The following SOBP variants were observed in gnomAD, a reference collection of about 807,000 sequenced individuals.
SOBP encodes the protein sine oculis-binding protein homolog.
A neutral mutation model predicts 53.6 loss-of-function variants in SOBP; 4 were observed. That is an observed-to-expected ratio of 0.07 (90% confidence interval 0.04 to 0.17). The LOEUF is 0.17. Among genes scored for constraint, SOBP ranks in the 10% least tolerant of loss-of-function variants. The probability of loss-of-function intolerance (pLI) is 1.00; values close to 1 mark genes in which losing one functional copy is unlikely to be tolerated. For synonymous variants in SOBP, 584 were observed against 522.6 expected (o/e 1.12, Z -1.60); for missense variants, 1,088 against 1,204.7 (o/e 0.90, Z 1.43).
At chr6:107,578,821 GAT>G (rs1224582952) in intron 4 of SOBP, among the ~76,000 whole-genome samples, 2 of 152,162 alleles carry the variant, frequency 1.3e-5, no homozygotes, top group Admixed American at 1.3e-4. Flanking sequence ...GCATCCTGTA[GAT>G]AGTGAATCTC....
intron 4 of SOBP, among the ~76,000 whole-genome samples, chr6:107,576,992 C>T (rs929030287): frequency 6.6e-6 from 1 of 152,050 alleles, no homozygotes; most frequent in African/African-American, 2.4e-5. Flanking sequence ...AATTCACGGA[C>T]ACCATTTGTT....
chr6:107,650,518 G>C (rs1031773625), intron 6 of SOBP, among the ~76,000 whole-genome samples: 38 of 152,122 alleles, frequency 2.5e-4, no homozygotes, highest in African/African-American at 9.2e-4. Context: ...TTCTCACAAT[G>C]TTTCAAACAT....
At chr6:107,600,982 A>G (rs1786158780) in intron 5 of SOBP, among the ~76,000 whole-genome samples, 1 of 152,204 alleles carries the variant, frequency 6.6e-6, no homozygotes, top group Non-Finnish European at 1.5e-5. Flanking sequence ...TATAATGTGT[A>G]TAAAATAATC....
intron 4 of SOBP, among the ~76,000 whole-genome samples, chr6:107,548,258 G>GTT (rs60827093): frequency 1.3e-4 from 18 of 142,444 alleles, no homozygotes; most frequent in African/African-American, 3.1e-4. Context: ...TTTTCTTTTT[G>GTT]TTTTTTTTTT....
intron 5 of SOBP, among the ~76,000 whole-genome samples, chr6:107,613,740 C>T (rs1327528873): frequency 6.6e-6 from 1 of 152,182 alleles, no homozygotes; most frequent in Non-Finnish European, 1.5e-5. Flanking sequence ...ATGACAAAGT[C>T]AGGATTAGAA....
chr6:107,617,916 C>T (rs1353239190), intron 5 of SOBP, among the ~76,000 whole-genome samples: 3 of 149,672 alleles, frequency 2.0e-5, no homozygotes, highest in Non-Finnish European at 4.4e-5. Context: ...CAACATCTAC[C>T]TCCTGGGTTC....
At chr6:107,540,585 C>T (rs1201153066) in intron 4 of SOBP, among the ~76,000 whole-genome samples, 1 of 152,210 alleles carries the variant, frequency 6.6e-6, no homozygotes, top group East Asian at 1.9e-4. Context: ...GGCTGTGGGC[C>T]AGAGCTGGGC....
chr6:107,642,332 C>T (rs972577668), intron 6 of SOBP, among the ~76,000 whole-genome samples: 2 of 152,038 alleles, frequency 1.3e-5, no homozygotes, highest in Non-Finnish European at 2.9e-5. Flanking sequence ...AAACTTATTT[C>T]AAGGGTCATC....
At chr6:107,637,541 G>C (rs891114771) in intron 6 of SOBP, among the ~76,000 whole-genome samples, 1 of 152,232 alleles carries the variant, frequency 6.6e-6, no homozygotes, top group Non-Finnish European at 1.5e-5. Context: ...TTCTTCACGA[G>C]AGTAATTTAA....
chr6:107,577,565 T>C (rs984595332), intron 4 of SOBP, among the ~76,000 whole-genome samples: 4 of 152,240 alleles, frequency 2.6e-5, no homozygotes, highest in Non-Finnish European at 4.4e-5. Flanking sequence ...GGAGACAAGA[T>C]AGCATGAATG....
At chr6:107,550,128 G>A (rs913442287) in intron 4 of SOBP, among the ~76,000 whole-genome samples, 1 of 152,222 alleles carries the variant, frequency 6.6e-6, no homozygotes, top group African/African-American at 2.4e-5. Flanking sequence ...CAGGGCAGCT[G>A]CTAACAGGAA....
chr6:107,608,168 T>C (rs1786459685), intron 5 of SOBP, among the ~76,000 whole-genome samples: 1 of 152,206 alleles, frequency 6.6e-6, no homozygotes, highest in Admixed American at 6.5e-5. Flanking sequence ...TTACATCTTA[T>C]ACACCATGGT....
At chr6:107,575,736 TAAG>T (rs1057051934) in intron 4 of SOBP, among the ~76,000 whole-genome samples, 3 of 151,560 alleles carry the variant, frequency 2.0e-5, no homozygotes, top group East Asian at 1.9e-4. Context: ...ATAATAATAA[TAAG>T]AAGAAGAAGA....
intron 3 of SOBP, chr6:107,529,547 A>T (rs533295589): frequency 2.0e-6 from 2 of 985,418 alleles, no homozygotes; most frequent in Admixed American, 1.2e-4. Flanking sequence ...AAGGGGTGGT[A>T]AATCTACAGT....
intron 6 of SOBP, among the ~76,000 whole-genome samples, chr6:107,650,764 TGGCCTCTAAATGTTTAAGTGAAAGGAG>T (rs1442242462): frequency 1.4e-4 from 21 of 152,332 alleles, no homozygotes; most frequent in African/African-American, 4.3e-4. Context: ...AATTCTATGA[TGGCCTCTAAATGTTTAAGTGAAAGGAG>T]GGCCTCTAAA....
chr6:107,602,072 A>G (rs1354201603), intron 5 of SOBP, among the ~76,000 whole-genome samples: 1 of 152,226 alleles, frequency 6.6e-6, no homozygotes, highest in African/African-American at 2.4e-5. Flanking sequence ...CAGATCTGCA[A>G]ATTATACTCA....
chr6:107,511,356 G>T (rs1337501271), intron 3 of SOBP: 1 of 152,282 alleles, frequency 6.6e-6, no homozygotes, highest in East Asian at 1.9e-4. Context: ...CATTTTTGGG[G>T]ACACTCAATG....
At chr6:107,598,175 T>TA (rs151155700) in intron 5 of SOBP, among the ~76,000 whole-genome samples, 6 of 150,414 alleles carry the variant, frequency 4.0e-5, no homozygotes, top group East Asian at 1.9e-4. Context: ...AAGAGAACTT[T>TA]AAAAAAAAAA....
intron 4 of SOBP, among the ~76,000 whole-genome samples, chr6:107,578,374 T>C (rs1421344557): frequency 1.3e-5 from 2 of 152,216 alleles, no homozygotes; most frequent in African/African-American, 4.8e-5. Flanking sequence ...TTTTAAAATG[T>C]AATGACACCA....
Sources: gnomAD v4.1 joint callset for allele counts (sites outside exome capture counted in the v4.1 genomes callset) on GRCh38, gnomAD v4.1.1 for gene constraint, MANE v1.5 for transcripts, NCBI Gene and HGNC (gene_info 2026-07-23, HGNC 2026-07-21) for gene names.